The following HSD17B4 variants were observed in gnomAD, a reference collection of about 807,000 sequenced individuals.
The protein encoded by HSD17B4 is peroxisomal multifunctional enzyme type 2.
HSD17B4 carries 70 observed loss-of-function variants against 101.0 expected under a neutral mutation model. The ratio of observed to expected loss-of-function variants is 0.69; its 90% CI spans 0.57 to 0.85. The LOEUF is 0.85. Ranked by LOEUF, HSD17B4 falls within the 40% of genes least tolerant of loss-of-function variation. The pLI is 0.00. For synonymous variants in HSD17B4, 347 were observed against 297.1 expected (o/e 1.17, Z -1.73); for missense variants, 984 against 892.4 (o/e 1.10, Z -1.31).
chr5:119,452,715 C>G (rs1754178119), intron 1 of HSD17B4, 82 bp downstream of exon 1: 1 of 1,606,472 alleles, frequency 6.2e-7, no homozygotes, highest in Non-Finnish European at 8.5e-7. Context: ...CGCGCGCAGC[C>G]GCAGCTGAGG....
At chr5:119,453,334 C>T (rs756940675) in intron 1 of HSD17B4, among the ~76,000 whole-genome samples, 1 of 152,136 alleles carries the variant, frequency 6.6e-6, no homozygotes, top group Non-Finnish European at 1.5e-5. Context: ...CAGAGAATTC[C>T]GAAGTGGACC....
chr5:119,510,869 CCA>C (rs1448591051), intron 16 of HSD17B4, among the ~76,000 whole-genome samples: 8 of 152,130 alleles, frequency 5.3e-5, no homozygotes, highest in Non-Finnish European at 1.2e-4. Flanking sequence ...CTTATCCTTC[CCA>C]CTAGCTCTGA....
intron 2 of HSD17B4, among the ~76,000 whole-genome samples, chr5:119,467,978 A>C (rs1305594474): frequency 6.6e-6 from 1 of 152,226 alleles, no homozygotes. Context: ...ATTTAAAAAA[A>C]TCTATCCAGC....
intron 12 of HSD17B4, among the ~76,000 whole-genome samples, chr5:119,498,369 C>G (rs1056771173): frequency 2.0e-5 from 3 of 152,092 alleles, no homozygotes; most frequent in African/African-American, 7.2e-5. Context: ...TTCTCTTTTT[C>G]TTATTTTTAA....
intron 1 of HSD17B4, among the ~76,000 whole-genome samples, chr5:119,454,697 C>G (rs901042927): frequency 6.6e-6 from 1 of 152,156 alleles, no homozygotes; most frequent in African/African-American, 2.4e-5. Context: ...TCTTGGCTGA[C>G]TGCAACCTCT....
At chr5:119,485,120 A>AC (rs1274605010) in intron 8 of HSD17B4, among the ~76,000 whole-genome samples, 3 of 151,948 alleles carry the variant, frequency 2.0e-5, no homozygotes, top group African/African-American at 4.8e-5. Flanking sequence ...CCTTCTTTCT[A>AC]CCCCCCTGCT....
At chr5:119,455,505 A>G (rs1754525958) in intron 1 of HSD17B4, among the ~76,000 whole-genome samples, 2 of 150,516 alleles carry the variant, frequency 1.3e-5, no homozygotes, top group African/African-American at 4.9e-5. Context: ...CGACAGAGTG[A>G]GACTGGATCT....
chr5:119,515,006 C>T lies in HSD17B4; in HGVS notation c.1463C>T (p.Pro488Leu), dbSNP rs773711119. ...VKVAVAIPNRPPDAVLTDTTS... is the reference protein window; with the variant it reads ...VKVAVAIPNRLPDAVLTDTTS... Reference sequence around the variant, plus strand: ...GTAGCTGTAGCCATACCTAATAGACCTCCTGATGCTGTACTTACAGATACC... The same window carrying T: ...GTAGCTGTAGCCATACCTAATAGACTTCCTGATGCTGTACTTACAGATACC... Residue 488 changes from proline to leucine, a missense_variant, in exon 17 of 24, where the codon CCT (proline) becomes CTT (leucine). Physicochemically the swap from Pro to Leu is moderately conservative, Grantham distance 98 (BLOSUM62 -3). Coordinates refer to ENST00000510025, the MANE Select transcript of HSD17B4 (RefSeq NM_000414.4). 5 of 1,582,892 alleles carry T rather than the reference C, an allele frequency of 3.2e-6. No individual in the cohort carries two copies. The highest frequency in any genetic ancestry group is 1.7e-4 in the Middle Eastern group (1 of 6,008).
At chr5:119,529,393 A>T (rs1385299107) in intron 20 of HSD17B4, among the ~76,000 whole-genome samples, 1 of 152,190 alleles carries the variant, frequency 6.6e-6, no homozygotes, top group Non-Finnish European at 1.5e-5. Flanking sequence ...AAAAAACACT[A>T]TTATGATTTG....
At chr5:119,490,865 G>T (rs2126746511) in intron 9 of HSD17B4, among the ~76,000 whole-genome samples, 1 of 152,284 alleles carries the variant, frequency 6.6e-6, no homozygotes, top group Middle Eastern at 3.4e-3. Flanking sequence ...ACCGCACCTG[G>T]CCTAGATAGG....
rs145606093 is a variant in HSD17B4 at position 119,455,566 on chromosome 5, C to CTA, written c.59-748_59-747insAT. On this transcript the variant is annotated intron_variant, in intron 1 of 23. Transcript: ENST00000510025. ...TTTCTCTCTCTCTCTCTCTCTCTCT[C>CTA]TCTATATATATATATATAATTTCTT... Among the ~76,000 whole-genome samples the CTA allele has an allele frequency of 9.3e-3, 1,113 of 119,998 alleles. 4 individuals are homozygous for CTA. Among genetic ancestry groups the CTA allele is most frequent in the Non-Finnish European group, 0.012 (672 of 54,674 alleles). 78.7% of individuals were successfully genotyped at this position (119,998 alleles called of 152,430 possible).
At chr5:119,531,927 A>G (rs1009568952) in intron 22 of HSD17B4, among the ~76,000 whole-genome samples, 5 of 152,308 alleles carry the variant, frequency 3.3e-5, no homozygotes, top group African/African-American at 9.6e-5. Flanking sequence ...ATTATCTATT[A>G]GAGTGCCATG....
intron 22 of HSD17B4, among the ~76,000 whole-genome samples, chr5:119,535,258 GT>G (rs869038195): frequency 4.0e-5 from 6 of 149,366 alleles, no homozygotes; most frequent in Non-Finnish European, 9.0e-5. Context: ...GATGCAGTAT[GT>G]TAGCTAATCT....
chr5:119,505,713 T>C (rs257980), intron 14 of HSD17B4, among the ~76,000 whole-genome samples: 41,839 of 151,946 alleles, frequency 0.28, 7,189 homozygotes, highest in East Asian at 0.4. Flanking sequence ...TTGACTTCTT[T>C]TCCTGTTTGG....
rs536905993 is a variant in HSD17B4, at chr5:119,477,200, A to G, written c.350-217A>G. Among the ~76,000 whole-genome samples, 10 of 152,252 alleles carry G rather than the reference A, an allele frequency of 6.6e-5. No homozygotes were observed. The East Asian group carries it at 1.7e-3, about 26-fold the overall frequency. On this transcript the variant is annotated intron_variant, in intron 6 of 23. Transcript: ENST00000510025. Reference sequence around the variant, plus strand: ...TGTATAGGCATTACATTAATTTTACAAATTATGAGGAGAGCTGTTGTAGTT... The same window carrying G: ...TGTATAGGCATTACATTAATTTTACGAATTATGAGGAGAGCTGTTGTAGTT...
chr5:119,517,313 T>C (rs1395699082), intron 17 of HSD17B4, among the ~76,000 whole-genome samples: 1 of 152,172 alleles, frequency 6.6e-6, no homozygotes, highest in Non-Finnish European at 1.5e-5. Context: ...CTGTGCTCGA[T>C]TTCTCGCTGG....
chr5:119,506,734 G>A (rs1751685372), intron 14 of HSD17B4, 84 bp from the exon 15 acceptor site: 1 of 767,630 alleles, frequency 1.3e-6, no homozygotes, highest in Admixed American at 2.0e-5. Context: ...AGCTTACAGT[G>A]GAAATGCTAT....
chr5:119,456,661 C>G (rs754366229), intron 2 of HSD17B4: 2 of 434,554 alleles, frequency 4.6e-6, no homozygotes, highest in Non-Finnish European at 4.2e-6. Flanking sequence ...GTGGGAGGAT[C>G]GCTTGAGACC....
At chr5:119,491,619 C>G (rs1293641181) in intron 9 of HSD17B4, among the ~76,000 whole-genome samples, 3 of 152,030 alleles carry the variant, frequency 2.0e-5, no homozygotes, top group African/African-American at 7.2e-5. Flanking sequence ...TTCACTAAGT[C>G]AAATACTCAT....
Sources: allele counts gnomAD v4.1 joint callset (sites outside exome capture counted in the v4.1 genomes callset), GRCh38; gene constraint gnomAD v4.1.1; transcripts MANE v1.5; gene names NCBI Gene and HGNC (gene_info 2026-07-23, HGNC 2026-07-21).